GOLM2: variants seen among roughly 807,000 people sequenced by gnomAD.
GOLM2 encodes protein GOLM2.
A neutral mutation model predicts 55.9 loss-of-function variants in GOLM2; 26 were observed. That is an observed-to-expected ratio of 0.47 (90% confidence interval 0.34 to 0.65). The LOEUF (loss-of-function observed/expected upper bound fraction) is 0.65. Among genes scored for constraint, GOLM2 ranks in the 30% least tolerant of loss-of-function variants. The pLI is 0.01. For missense variants in GOLM2, 486 were observed against 531.8 expected (o/e 0.91, Z 0.85); for synonymous variants, 165 against 194.6 (o/e 0.85, Z 1.27).
intron 1 of GOLM2, among the ~76,000 whole-genome samples, chr15:44,304,032 AC>A (rs762064172): frequency 7.9e-5 from 12 of 151,510 alleles, no homozygotes; most frequent in Non-Finnish European, 1.6e-4. Context: ...GCCTGGCCAC[AC>A]CTGGCTAATT....
At chr15:44,345,153 A>G (rs2079115484) in intron 6 of GOLM2, among the ~76,000 whole-genome samples, 1 of 151,718 alleles carries the variant, frequency 6.6e-6, no homozygotes, top group South Asian at 2.1e-4. Context: ...CTTGTAGCCA[A>G]GGCTGGAGTG....
chr15:44,397,465 C>A (rs1473560402), intron 8 of GOLM2, among the ~76,000 whole-genome samples: 2 of 120,346 alleles, frequency 1.7e-5, no homozygotes, highest in African/African-American at 3.3e-5. Flanking sequence ...GGTGACAGAG[C>A]GAGACTCCGT....
intron 1 of GOLM2, among the ~76,000 whole-genome samples, chr15:44,300,657 A>G (rs2078791496): frequency 6.6e-6 from 1 of 152,202 alleles, no homozygotes; most frequent in Non-Finnish European, 1.5e-5. Context: ...GACAGGGAGT[A>G]CCTTTTGACT....
intron 3 of GOLM2, among the ~76,000 whole-genome samples, chr15:44,330,550 A>G (rs1334123477): frequency 6.6e-6 from 1 of 151,458 alleles, no homozygotes; most frequent in African/African-American, 2.4e-5. Context: ...TCACAGCTAT[A>G]AAAATGTCTA....
At chr15:44,382,685 G>C (rs189420711) in intron 8 of GOLM2, among the ~76,000 whole-genome samples, 1 of 151,876 alleles carries the variant, frequency 6.6e-6, no homozygotes, top group Admixed American at 6.6e-5. Context: ...TGCCTTACCT[G>C]TATATATTTT....
intron 1 of GOLM2, among the ~76,000 whole-genome samples, chr15:44,308,855 A>G (rs1244733479): frequency 1.3e-5 from 2 of 152,202 alleles, no homozygotes; most frequent in East Asian, 3.8e-4. Flanking sequence ...AAAGGTACCT[A>G]CAGAGTAGGA....
intron 6 of GOLM2, among the ~76,000 whole-genome samples, chr15:44,339,247 C>T (rs986583016): frequency 1.3e-5 from 2 of 151,992 alleles, no homozygotes; most frequent in Non-Finnish European, 2.9e-5. Flanking sequence ...AAGGTAAGGA[C>T]AAAAGCAATA....
intron 8 of GOLM2, among the ~76,000 whole-genome samples, chr15:44,400,158 T>C (rs1335001613): frequency 6.6e-6 from 1 of 152,072 alleles, no homozygotes; most frequent in Non-Finnish European, 1.5e-5. Flanking sequence ...GTATGTTTCT[T>C]TTCTCTAACT....
chr15:44,360,833 C>T (rs934774503), intron 6 of GOLM2, among the ~76,000 whole-genome samples: 1 of 152,134 alleles, frequency 6.6e-6, no homozygotes, highest in African/African-American at 2.4e-5. Flanking sequence ...TGTAAAAGAA[C>T]AGAAATTATA....
chr15:44,323,027 C>A lies in GOLM2; in HGVS notation c.382+8C>A. 1 of 1,547,244 alleles carries A rather than the reference C, an allele frequency of 6.5e-7. No homozygotes were observed. Among genetic ancestry groups the A allele is most frequent in the Non-Finnish European group, 8.7e-7 (1 of 1,147,202 alleles). On this transcript the variant is annotated splice_region_variant and intron_variant, in intron 2 of 9. Coordinates refer to ENST00000299957, the MANE Select transcript of GOLM2 (RefSeq NM_138423.4). ...ACATACATCATTTAAAGGGTAAGAA[C>A]CTTAATTCCAGATTAAAGATAAACC...
chr15:44,351,482 C>A (rs1210956804), intron 6 of GOLM2, among the ~76,000 whole-genome samples: 1 of 146,396 alleles, frequency 6.8e-6, no homozygotes, highest in Non-Finnish European at 1.5e-5. Context: ...GAGGATGAGG[C>A]AGGAGAATGG....
chr15:44,292,418 G>A (rs1027478169), intron 1 of GOLM2, among the ~76,000 whole-genome samples: 1 of 151,948 alleles, frequency 6.6e-6, no homozygotes, highest in Admixed American at 6.6e-5. Context: ...AGATGGTCTC[G>A]ATCTCCTGAC....
Position 44,413,458 on chromosome 15 carries a change from C to A in GOLM2, c.*52C>A. The A allele has an allele frequency of 7.8e-7, 1 of 1,284,660 alleles. No homozygotes were observed. Among genetic ancestry groups the A allele is most frequent in the Non-Finnish European group, 1.1e-6 (1 of 895,218 alleles). 79.6% of individuals were successfully genotyped at this position (1,284,660 alleles called of 1,614,324 possible). A position where few individuals can be genotyped will look rare whatever the true frequency, so the allele number is the denominator to read the frequency against. On this transcript the variant is annotated 3_prime_UTR_variant, in exon 10 of 10. Coordinates refer to ENST00000299957, the MANE Select transcript of GOLM2 (RefSeq NM_138423.4). ...TAAAGTGCTGTAAAATGAAATCATT[C>A]TACTTTGTCCTTTCTGACTTTTGTT...
chr15:44,318,521 C>G (rs934318436), intron 1 of GOLM2, among the ~76,000 whole-genome samples: 3 of 152,168 alleles, frequency 2.0e-5, no homozygotes, highest in Non-Finnish European at 4.4e-5. Context: ...CCAGCCTGAT[C>G]AATGTGGTGA....
chr15:44,305,991 T>A (rs936739970), intron 1 of GOLM2, among the ~76,000 whole-genome samples: 2 of 152,178 alleles, frequency 1.3e-5, no homozygotes, highest in African/African-American at 4.8e-5. Context: ...TAAAACAGAT[T>A]TAGCACAATT....
At chr15:44,333,933 T>A (rs1419072403) in intron 4 of GOLM2, among the ~76,000 whole-genome samples, 1 of 152,144 alleles carries the variant, frequency 6.6e-6, no homozygotes, top group Non-Finnish European at 1.5e-5. Flanking sequence ...GCCAGGATGG[T>A]CTCGATCTCC....
At chr15:44,325,924 G>A (rs534934856) in intron 2 of GOLM2, among the ~76,000 whole-genome samples, 1 of 152,194 alleles carries the variant, frequency 6.6e-6, no homozygotes, top group South Asian at 2.1e-4. Context: ...ATTTGAGATG[G>A]GGGGTAAATC....
chr15:44,332,873 T>A (rs1209953760), intron 4 of GOLM2, among the ~76,000 whole-genome samples: 1 of 152,180 alleles, frequency 6.6e-6, no homozygotes, highest in Non-Finnish European at 1.5e-5. Context: ...ATATGTATTA[T>A]GAAGATTCTT....
chr15:44,351,609 CAAA>C (rs2079165218), intron 6 of GOLM2, among the ~76,000 whole-genome samples: 1 of 120,330 alleles, frequency 8.3e-6, no homozygotes, highest in Non-Finnish European at 1.8e-5. Flanking sequence ...CACAGACAAA[CAAA>C]GAACATCAAA....
Sources: gnomAD v4.1 joint callset for allele counts (sites outside exome capture counted in the v4.1 genomes callset) on GRCh38, gnomAD v4.1.1 for gene constraint, MANE v1.5 for transcripts, NCBI Gene and HGNC (gene_info 2026-07-23, HGNC 2026-07-21) for gene names.